EXD2: variants seen among roughly 807,000 people sequenced by gnomAD.
The protein encoded by EXD2 is exonuclease 3'-5' domain containing 2, also known as exonuclease 3'-5' domain-containing protein 2.
Under a neutral mutation model 62.5 loss-of-function variants are expected in EXD2, and 40 were observed. That is an observed-to-expected ratio of 0.64 (90% CI 0.50 to 0.83). The LOEUF (loss-of-function observed/expected upper bound fraction) is 0.83. EXD2 is among the 40% of genes least tolerant of loss of function. The pLI, the probability that EXD2 is intolerant of heterozygous loss-of-function variation, is 0.00. For missense variants in EXD2, 671 were observed against 761.8 expected (o/e 0.88, Z 1.40); for synonymous variants, 239 against 291.9 (o/e 0.82, Z 1.85).
At chr14:69,208,216 T>TTC (rs1395731118) in intron 2 of EXD2, among the ~76,000 whole-genome samples, 2 of 145,814 alleles carry the variant, frequency 1.4e-5, no homozygotes, top group East Asian at 4.1e-4. Flanking sequence ...TACTATTTTT[T>TTC]TTTTTTTTTT....
At position 69,228,813 on chromosome 14, in the gene EXD2, C is replaced by A; in HGVS notation, c.334-3C>A. The A allele has an allele frequency of 6.2e-7, 1 of 1,609,534 alleles. No homozygotes were observed. The highest frequency in any genetic ancestry group is 8.5e-7 in the Non-Finnish European group (1 of 1,177,808). On this transcript the variant is annotated splice_polypyrimidine_tract_variant and splice_region_variant and intron_variant, in intron 3 of 9. Transcript: ENST00000685843. ...ACCACAACCTTGTCTTCCTCTGTTG[C>A]AGGTAAATTTGGAAGGCAAAGCCAG...
intron 1 of EXD2, among the ~76,000 whole-genome samples, chr14:69,192,801 C>G (rs2042077134): frequency 6.6e-6 from 1 of 152,106 alleles, no homozygotes. Flanking sequence ...TTTGTCAGTA[C>G]CTAGAGATCT....
At chr14:69,235,870 G>C in intron 6 of EXD2, 176 bp from the exon 7 acceptor site, 1 of 652,118 alleles carries the variant, frequency 1.5e-6, no homozygotes, top group Non-Finnish European at 2.8e-6. Flanking sequence ...CTGTTTCCTA[G>C]CCCAGTGCAG....
chr14:69,219,740 A>G (rs2043106157), intron 3 of EXD2, among the ~76,000 whole-genome samples: 1 of 152,174 alleles, frequency 6.6e-6, no homozygotes, highest in Non-Finnish European at 1.5e-5. Flanking sequence ...AATTACTTGT[A>G]GATTCTTTTG....
intron 1 of EXD2, among the ~76,000 whole-genome samples, chr14:69,202,434 T>C (rs562822207): frequency 1.3e-5 from 2 of 152,276 alleles, no homozygotes; most frequent in African/African-American, 4.8e-5. Context: ...TCCAAGCCAT[T>C]CATGTACTTG....
chr14:69,232,201 G>C (rs1432588480), intron 5 of EXD2, among the ~76,000 whole-genome samples: 1 of 152,114 alleles, frequency 6.6e-6, no homozygotes. Flanking sequence ...AACTTTTACT[G>C]TCTTTTGGGC....
chr14:69,242,064 T>C lies in EXD2; in HGVS notation c.*964T>C. ...TCTGGTCAGGTTGCAATATGAGGAC[T>C]TCTCTGTCTCCTCTGAAGCCTGGGA... On this transcript the variant is annotated 3_prime_UTR_variant, in exon 10 of 10. Transcript: ENST00000685843. 2.5e-6 allele frequency: 1 copy of C among 398,664 alleles called. No individual in the cohort carries two copies. The highest frequency in any genetic ancestry group is 4.4e-6 in the Non-Finnish European group (1 of 226,062). 24.7% of individuals were successfully genotyped at this position (398,664 alleles called of 1,614,324 possible). A position where few individuals can be genotyped will look rare whatever the true frequency, so the allele number is the denominator to read the frequency against.
chr14:69,232,999 A>G (rs948108928), intron 5 of EXD2, among the ~76,000 whole-genome samples: 2 of 152,166 alleles, frequency 1.3e-5, no homozygotes, highest in African/African-American at 4.8e-5. Flanking sequence ...TCTAAAAGTC[A>G]TATAGTTTTA....
At chr14:69,197,243 A>G (rs1269679318) in intron 1 of EXD2, among the ~76,000 whole-genome samples, 1 of 152,222 alleles carries the variant, frequency 6.6e-6, no homozygotes, top group Non-Finnish European at 1.5e-5. Flanking sequence ...TAAAAAATAA[A>G]GAACAGAAAT....
chr14:69,211,949 AGGTT>A (rs1566823556), intron 3 of EXD2, among the ~76,000 whole-genome samples: 3 of 152,218 alleles, frequency 2.0e-5, no homozygotes, highest in African/African-American at 7.2e-5. Context: ...TATTAAACTC[AGGTT>A]GGATTCCACA....
At position 69,209,613 on chromosome 14, in the gene EXD2, T is replaced by G; in HGVS notation, c.143T>G (p.Leu48Arg). Residue 48 changes from leucine (L) to arginine (R), a missense_variant, in exon 3 of 10, where the codon CTG (leucine) becomes CGG (arginine). Physicochemically the swap from Leu to Arg is moderately radical, Grantham distance 102. Coordinates refer to ENST00000685843, the MANE Select transcript of EXD2 (RefSeq NM_001193360.2). Reference protein sequence around the residue: ...PVTQQPQQKVLGSRELPPPED... With the variant: ...PVTQQPQQKVRGSRELPPPED... The stretch of plus-strand genomic sequence containing the variant: ...ACCCAACAGCCACAGCAGAAAGTGC[T>G]GGGCAGTAGAGAGCTGCCCCCTCCA... The G allele has an allele frequency of 6.4e-7, 1 of 1,550,564 alleles. No homozygotes were observed. The highest frequency in any genetic ancestry group is 8.7e-7 in the Non-Finnish European group (1 of 1,146,998).
chr14:69,232,457 C>G (rs2043620391), intron 5 of EXD2, among the ~76,000 whole-genome samples: 1 of 152,210 alleles, frequency 6.6e-6, no homozygotes, highest in Non-Finnish European at 1.5e-5. Context: ...CTTGTTCATC[C>G]TTGAGAAATG....
Position 69,209,590 on chromosome 14 carries a change from C to T in EXD2, c.120C>T (p.Thr40=), listed in dbSNP as rs764922126. The change falls in exon 3 of 10, where the codon ACC becomes ACT. Residue 40 remains threonine (T), a synonymous_variant. Coordinates refer to ENST00000685843, the MANE Select transcript of EXD2 (RefSeq NM_001193360.2). ...RRRRSKTSPV[T]QQPQQKVLGS... The stretch of plus-strand genomic sequence containing the variant: ...GAAGGAGTAAAACGAGTCCTGTGAC[C>T]CAACAGCCACAGCAGAAAGTGCTGG... The T allele has an allele frequency of 6.4e-7, 1 of 1,550,402 alleles. No homozygotes were observed.
At chr14:69,208,553 A>G (rs949939148) in intron 2 of EXD2, among the ~76,000 whole-genome samples, 2 of 152,248 alleles carry the variant, frequency 1.3e-5, no homozygotes, top group Non-Finnish European at 2.9e-5. Context: ...TGTTATTTTA[A>G]TAGAACAGAA....
chr14:69,191,634 G>A (rs1306008354), intron 1 of EXD2, 43 bp downstream of exon 1: 1 of 152,622 alleles, frequency 6.6e-6, no homozygotes, highest in Admixed American at 6.5e-5. Flanking sequence ...CACCAGGATT[G>A]TGCGCGGGGC....
At chr14:69,213,754 C>G (rs545533840) in intron 3 of EXD2, among the ~76,000 whole-genome samples, 83 of 151,072 alleles carry the variant, frequency 5.5e-4, no homozygotes, top group Non-Finnish European at 6.6e-4. Flanking sequence ...ACCTTTGCCT[C>G]CCGGGTTCAA....
chr14:69,233,458 A>G (rs1594778477), intron 5 of EXD2, among the ~76,000 whole-genome samples: 1 of 151,836 alleles, frequency 6.6e-6, no homozygotes. Context: ...ATGGAGTCCC[A>G]CTCTGTCGCT....
intron 3 of EXD2, among the ~76,000 whole-genome samples, chr14:69,223,131 G>A (rs2140285551): frequency 6.6e-6 from 1 of 152,280 alleles, no homozygotes; most frequent in African/African-American, 2.4e-5. Flanking sequence ...TGAGTCAGCA[G>A]ATGGATCCGT....
At chr14:69,230,975 G>A (rs1461983188) in intron 5 of EXD2, among the ~76,000 whole-genome samples, 2 of 152,096 alleles carry the variant, frequency 1.3e-5, no homozygotes, top group African/African-American at 4.8e-5. Flanking sequence ...AGTAGAGATG[G>A]GGTTTCACCA....
Sources: allele counts gnomAD v4.1 joint callset (sites outside exome capture counted in the v4.1 genomes callset), GRCh38; gene constraint gnomAD v4.1.1; transcripts MANE v1.5; gene names NCBI Gene and HGNC (gene_info 2026-07-23, HGNC 2026-07-21).